XIRP2: variants seen among roughly 807,000 people sequenced by gnomAD.
XIRP2 encodes xin actin binding repeat containing 2, also known as xin actin-binding repeat-containing protein 2.
A neutral mutation model predicts 277.0 loss-of-function variants in XIRP2; 236 were observed. That is an observed-to-expected ratio of 0.85 (90% CI 0.77 to 0.95). XIRP2 has a LOEUF of 0.95. Ranked by LOEUF, XIRP2 falls within the 40% of genes least tolerant of loss-of-function variation. XIRP2 has a pLI of 0.00. For synonymous variants in XIRP2, 1,490 were observed against 1,416.5 expected, an observed-to-expected ratio of 1.05 and a Z score of -1.17; for missense variants, 4,640 against 4,157.5, an observed-to-expected ratio of 1.12 and a Z score of -3.19.
At chr2:167,241,209 G>A (rs1276046456) in intron 7 of XIRP2, among the ~76,000 whole-genome samples, 2 of 151,572 alleles carry the variant, frequency 1.3e-5, no homozygotes, top group Admixed American at 6.6e-5. Context: ...TATAAAAATG[G>A]AATGGGTTTT....
chr2:167,095,249 T>C (rs1200387891), intron 2 of XIRP2, among the ~76,000 whole-genome samples: 2 of 152,234 alleles, frequency 1.3e-5, no homozygotes, highest in African/African-American at 4.8e-5. Flanking sequence ...TAAAATCATG[T>C]CATCTGCAAA....
At chr2:167,008,328 G>A (rs1687562766) in intron 2 of XIRP2, among the ~76,000 whole-genome samples, 1 of 151,380 alleles carries the variant, frequency 6.6e-6, no homozygotes, top group African/African-American at 2.4e-5. Flanking sequence ...TTTTATATGA[G>A]AATACTAAGC....
At chr2:167,200,371 T>C (rs1446970778) in intron 3 of XIRP2, among the ~76,000 whole-genome samples, 1 of 152,174 alleles carries the variant, frequency 6.6e-6, no homozygotes, top group Non-Finnish European at 1.5e-5. Context: ...AGTGAGTAAC[T>C]TTGAATGACG....
intron 3 of XIRP2, among the ~76,000 whole-genome samples, chr2:167,203,058 C>G (rs1204398812): frequency 1.3e-5 from 2 of 152,168 alleles, no homozygotes; most frequent in Non-Finnish European, 2.9e-5. Context: ...TTACAAGGAC[C>G]CTTGTGATTA....
chr2:167,196,472 G>A (rs1184384613), intron 3 of XIRP2, among the ~76,000 whole-genome samples: 1 of 150,076 alleles, frequency 6.7e-6, no homozygotes, highest in African/African-American at 2.5e-5. Context: ...CGATAGATGA[G>A]TGTTATTTGT....
At chr2:166,913,416 A>T (rs935717878) in intron 2 of XIRP2, among the ~76,000 whole-genome samples, 1 of 151,206 alleles carries the variant, frequency 6.6e-6, no homozygotes, top group Non-Finnish European at 1.5e-5. Flanking sequence ...CAGGCATGGG[A>T]TATAATCTCC....
At chr2:167,254,931 T>TA (rs1203415344) in intron 10 of XIRP2, among the ~76,000 whole-genome samples, 3 of 151,366 alleles carry the variant, frequency 2.0e-5, no homozygotes, top group Non-Finnish European at 4.4e-5. Context: ...TGGCTAAATC[T>TA]AATGTGCATC....
chr2:167,009,815 G>C (rs967438281), intron 2 of XIRP2, among the ~76,000 whole-genome samples: 10 of 152,172 alleles, frequency 6.6e-5, no homozygotes, highest in Non-Finnish European at 1.2e-4. Flanking sequence ...CTGATAGCCA[G>C]TGACGGTGAG....
intron 2 of XIRP2, among the ~76,000 whole-genome samples, chr2:167,012,953 A>G (rs1410556834): frequency 1.3e-5 from 2 of 151,420 alleles, no homozygotes; most frequent in Non-Finnish European, 3.0e-5. Context: ...AGGATGTAGT[A>G]GTAAAATTTT....
At chr2:167,228,814 T>C (rs2105414242) in intron 5 of XIRP2, among the ~76,000 whole-genome samples, 1 of 152,334 alleles carries the variant, frequency 6.6e-6, no homozygotes, top group Middle Eastern at 3.4e-3. Context: ...ACCCCAATTA[T>C]TCAAGTACCA....
intron 2 of XIRP2, among the ~76,000 whole-genome samples, chr2:166,942,474 T>C (rs1337986442): frequency 6.6e-6 from 1 of 152,222 alleles, no homozygotes; most frequent in Non-Finnish European, 1.5e-5. Flanking sequence ...CATTTGCAAC[T>C]GCGGGCAGTC....
At chr2:167,138,553 G>A (rs1322677211) in intron 3 of XIRP2, among the ~76,000 whole-genome samples, 6 of 152,056 alleles carry the variant, frequency 3.9e-5, no homozygotes, top group Non-Finnish European at 5.9e-5. Context: ...TAGTGCTCCC[G>A]TGTGCATGTT....
chr2:167,145,129 C>A (rs2105326699), intron 3 of XIRP2, among the ~76,000 whole-genome samples: 1 of 152,138 alleles, frequency 6.6e-6, no homozygotes, highest in African/African-American at 2.4e-5. Context: ...ATTATATTTC[C>A]CAATGGAAAA....
chr2:166,950,187 C>T lies in XIRP2; in HGVS notation c.408+46297C>T, dbSNP rs557586046. Among the ~76,000 whole-genome samples the T allele has an allele frequency of 2.4e-4, 36 of 152,120 alleles. No individual in the cohort carries two copies. The South Asian group carries it at 2.9e-3, about 12-fold the overall frequency. On this transcript the variant is annotated intron_variant, in intron 2 of 10. Coordinates refer to ENST00000409195, the MANE Select transcript of XIRP2 (RefSeq NM_152381.6). ...AATGCAAAGCAAATGCTAAAGGTAG[C>T]ATTTGGCAATGTTCTTGATTAGAAT...
intron 2 of XIRP2, among the ~76,000 whole-genome samples, chr2:167,029,766 G>C (rs1165521382): frequency 6.6e-6 from 1 of 152,094 alleles, no homozygotes; most frequent in African/African-American, 2.4e-5. Flanking sequence ...GTTTGGAATA[G>C]TTTCAGAAGG....
chr2:166,895,230 T>A (rs1684212272), intron 1 of XIRP2, among the ~76,000 whole-genome samples: 2 of 152,216 alleles, frequency 1.3e-5, no homozygotes, highest in Admixed American at 1.3e-4. Context: ...AAAACATTTT[T>A]ATTAAAATGT....
chr2:166,904,403 C>T (rs1558909904), intron 2 of XIRP2, among the ~76,000 whole-genome samples: 1 of 152,122 alleles, frequency 6.6e-6, no homozygotes, highest in Non-Finnish European at 1.5e-5. Context: ...TCTTAATCTG[C>T]TACTTTACAT....
chr2:167,215,374 T>C (rs1694212434), intron 4 of XIRP2, among the ~76,000 whole-genome samples: 1 of 152,164 alleles, frequency 6.6e-6, no homozygotes, highest in Non-Finnish European at 1.5e-5. Flanking sequence ...TTTTGAAATA[T>C]TTGATAGTCC....
chr2:166,994,411 G>A (rs1687147531), intron 2 of XIRP2, among the ~76,000 whole-genome samples: 1 of 131,000 alleles, frequency 7.6e-6, no homozygotes, highest in African/African-American at 3.0e-5. Context: ...GCACCAGCAT[G>A]GCACATGTAT....
Sources: gnomAD v4.1 joint callset for allele counts (sites outside exome capture counted in the v4.1 genomes callset) on GRCh38, gnomAD v4.1.1 for gene constraint, MANE v1.5 for transcripts, NCBI Gene and HGNC (gene_info 2026-07-23, HGNC 2026-07-21) for gene names.